FAM200B: variants seen among roughly 807,000 people sequenced by gnomAD.
FAM200B encodes zinc finger BED-type containing 11, also known as protein FAM200B.
Under a neutral mutation model 33.1 loss-of-function variants are expected in FAM200B, and 32 were observed. The ratio of observed to expected loss-of-function variants is 0.97; its 90% CI spans 0.73 to 1.30. FAM200B has a LOEUF of 1.30. Among genes scored for constraint, FAM200B ranks in the 50% most tolerant of loss-of-function variants. FAM200B has a pLI of 0.00. For missense variants in FAM200B, 741 were observed against 754.0 expected, an observed-to-expected ratio of 0.98 and a Z score of 0.20; for synonymous variants, 240 against 264.8, an observed-to-expected ratio of 0.91 and a Z score of 0.91.
the FAM200B span, among the ~76,000 whole-genome samples, chr4:15,657,326 A>T: frequency 6.6e-6 from 1 of 152,228 alleles, no homozygotes; most frequent in African/African-American, 2.4e-5. Flanking sequence ...TAAAGTGAGT[A>T]TTCAGTAAAT....
the FAM200B span, among the ~76,000 whole-genome samples, chr4:15,654,595 T>A: frequency 6.6e-6 from 1 of 152,016 alleles, no homozygotes; most frequent in South Asian, 2.1e-4. Context: ...ACATGAAGAG[T>A]GAAGGTTCTT....
At chr4:15,684,534 G>A (rs1718644291) in intron 1 of FAM200B, 1 of 152,164 alleles carries the variant, frequency 6.6e-6, no homozygotes, top group Non-Finnish European at 1.5e-5. Context: ...GGTTTCTTGG[G>A]GGAAAGTTGA....
chr4:15,643,006 A>G, the FAM200B span, among the ~76,000 whole-genome samples: 517 of 152,024 alleles, frequency 3.4e-3, 2 homozygotes, highest in East Asian at 0.019. Flanking sequence ...CCTCCCCTTT[A>G]TTTCTACTAG....
At chr4:15,638,601 T>G in the FAM200B span, 1 of 1,613,256 alleles carries the variant, frequency 6.2e-7, no homozygotes, top group East Asian at 2.2e-5. Context: ...AGTTCTGCAG[T>G]ATCCTTCTGA....
At chr4:15,653,273 G>A in the FAM200B span, among the ~76,000 whole-genome samples, 1 of 152,094 alleles carries the variant, frequency 6.6e-6, no homozygotes. Flanking sequence ...AACTAGTTAT[G>A]CAAGTGGGAA....
At chr4:15,654,161 T>C in the FAM200B span, among the ~76,000 whole-genome samples, 2 of 152,224 alleles carry the variant, frequency 1.3e-5, no homozygotes, top group Non-Finnish European at 2.9e-5. Flanking sequence ...CTCTTTTCTG[T>C]AGACAATGGT....
At chr4:15,640,820 C>A in the FAM200B span, 2 of 1,569,438 alleles carry the variant, frequency 1.3e-6, no homozygotes, top group Non-Finnish European at 1.7e-6. Context: ...GGAAGAAAAT[C>A]TCTTGTAAAA....
chr4:15,680,601 A>T (rs1718194063), upstream of FAM200B, among the ~76,000 whole-genome samples: 1 of 152,056 alleles, frequency 6.6e-6, no homozygotes. Flanking sequence ...CGCTTGAACC[A>T]GGAGGCTGAG....
At chr4:15,639,117 T>C in the FAM200B span, among the ~76,000 whole-genome samples, 60 of 152,220 alleles carry the variant, frequency 3.9e-4, no homozygotes, top group African/African-American at 1.4e-3. Context: ...CGAGCCGATA[T>C]TGCGCCATTG....
At chr4:15,654,917 C>T in the FAM200B span, among the ~76,000 whole-genome samples, 1 of 152,056 alleles carries the variant, frequency 6.6e-6, no homozygotes, top group Admixed American at 6.5e-5. Flanking sequence ...GGCCCGAGGG[C>T]GGCCAGTGAC....
the FAM200B span, among the ~76,000 whole-genome samples, chr4:15,646,439 C>A: frequency 1.4e-5 from 2 of 145,876 alleles, no homozygotes; most frequent in African/African-American, 5.1e-5. Context: ...TCTCTGCAAA[C>A]ACTATCATGT....
the FAM200B span, chr4:15,638,701 TAAAC>T: frequency 2.6e-6 from 4 of 1,547,446 alleles, no homozygotes; most frequent in Admixed American, 1.9e-5. Flanking sequence ...AAACCTAAAT[TAAAC>T]AAAATATTCA....
upstream of FAM200B, among the ~76,000 whole-genome samples, chr4:15,680,736 A>C (rs1718211376): frequency 6.6e-6 from 1 of 152,046 alleles, no homozygotes; most frequent in African/African-American, 2.4e-5. Context: ...TGACTGTGTA[A>C]TCCTACAAGA....
chr4:15,639,398 G>A, the FAM200B span, among the ~76,000 whole-genome samples: 1 of 152,172 alleles, frequency 6.6e-6, no homozygotes, highest in Non-Finnish European at 1.5e-5. Context: ...CAGTGTAGTG[G>A]AACCATAAAA....
chr4:15,670,477 A>T, the FAM200B span, among the ~76,000 whole-genome samples: 1 of 152,098 alleles, frequency 6.6e-6, no homozygotes, highest in African/African-American at 2.4e-5. Flanking sequence ...CATCCTTTTA[A>T]CCTATTTGGG....
In FAM200B at chr4:15,686,539, A is replaced by G. The variant is rs969397868; in HGVS notation, c.-439A>G. On this transcript the variant is annotated 5_prime_UTR_variant, in exon 2 of 2. An upstream start codon of the reference 5' UTR is lost. Coordinates refer to ENST00000422728, the MANE Select transcript of FAM200B (RefSeq NM_001145191.2). The stretch of plus-strand genomic sequence containing the variant: ...TATATGTGAGACCCATTAGTGAGGC[A>G]TGAAATCAATTCTGTGAGTCACAAT... The G allele has an allele frequency of 4.6e-5, 7 of 153,520 alleles. No individual in the cohort carries two copies. The highest frequency in any genetic ancestry group is 3.9e-4 in the Admixed American group (6 of 15,410). The allele number at this position is 153,520 out of a possible 1,614,324, so 9.5% of individuals were successfully genotyped here. A position where few individuals can be genotyped will look rare whatever the true frequency, so the allele number is the denominator to read the frequency against.
upstream of FAM200B, among the ~76,000 whole-genome samples, chr4:15,678,475 G>C (rs1718073610): frequency 6.6e-6 from 1 of 152,068 alleles, no homozygotes; most frequent in Admixed American, 6.5e-5. Flanking sequence ...AACTCAAAGG[G>C]GTTACAATTC....
chr4:15,647,108 A>G, the FAM200B span, among the ~76,000 whole-genome samples: 1 of 151,138 alleles, frequency 6.6e-6, no homozygotes, highest in Non-Finnish European at 1.5e-5. Context: ...CTGTAGTCCC[A>G]GCTACTCGGG....
the FAM200B span, among the ~76,000 whole-genome samples, chr4:15,661,913 C>G: frequency 2.6e-5 from 4 of 152,184 alleles, no homozygotes; most frequent in African/African-American, 9.7e-5. Context: ...GCCTCACATC[C>G]TCATAGGCTG....
Sources: gnomAD v4.1 joint callset for allele counts (sites outside exome capture counted in the v4.1 genomes callset) on GRCh38, gnomAD v4.1.1 for gene constraint, MANE v1.5 for transcripts, NCBI Gene and HGNC (gene_info 2026-07-23, HGNC 2026-07-21) for gene names.